The following IQCM variants were observed in gnomAD, a reference collection of about 807,000 sequenced individuals.
The protein encoded by IQCM is IQ domain-containing protein M.
Under a neutral mutation model 57.6 loss-of-function variants are expected in IQCM, and 45 were observed. That is an observed-to-expected ratio of 0.78 (90% CI 0.62 to 1.00). IQCM has a LOEUF of 1.00. Among genes scored for constraint, IQCM ranks in the 50% least tolerant of loss-of-function variants. IQCM has a pLI of 0.00. For synonymous variants in IQCM, 148 were observed against 158.9 expected, an observed-to-expected ratio of 0.93 and a Z score of 0.51; for missense variants, 468 against 511.6, an observed-to-expected ratio of 0.91 and a Z score of 0.82.
chr4:149,464,864 ATAT>A (rs1738680209), intron 12 of IQCM, among the ~76,000 whole-genome samples: 2 of 152,162 alleles, frequency 1.3e-5, no homozygotes, highest in Non-Finnish European at 2.9e-5. Flanking sequence ...GATTAATGGG[ATAT>A]TATTTTGGAT....
intron 13 of IQCM, among the ~76,000 whole-genome samples, chr4:149,381,720 AGTAT>A (rs60955059): frequency 0.25 from 36,975 of 146,410 alleles, 5,070 homozygotes; most frequent in South Asian, 0.43. Flanking sequence ...TTTCCCCCAT[AGTAT>A]GTATGTATGT....
intron 7 of IQCM, among the ~76,000 whole-genome samples, chr4:149,638,166 G>T (rs964126465): frequency 2.6e-5 from 4 of 152,126 alleles, no homozygotes; most frequent in Non-Finnish European, 5.9e-5. Context: ...TAAAAAATAT[G>T]CATGTGAGAA....
At chr4:149,566,173 G>T (rs957912990) in intron 9 of IQCM, among the ~76,000 whole-genome samples, 25 of 152,076 alleles carry the variant, frequency 1.6e-4, no homozygotes, top group Non-Finnish European at 2.9e-4. Flanking sequence ...CAGGTGAAAT[G>T]GTAATGATTA....
intron 2 of IQCM, among the ~76,000 whole-genome samples, chr4:149,768,831 T>G (rs1466428152): frequency 1.3e-5 from 2 of 152,050 alleles, no homozygotes; most frequent in Non-Finnish European, 2.9e-5. Flanking sequence ...CACCAAGAGT[T>G]ATGAACAAAA....
At chr4:149,693,506 C>T (rs930511088) in intron 5 of IQCM, among the ~76,000 whole-genome samples, 17 of 152,280 alleles carry the variant, frequency 1.1e-4, no homozygotes, top group African/African-American at 3.1e-4. Context: ...TCCCTTCCAT[C>T]CTTTCCCACT....
intron 12 of IQCM, among the ~76,000 whole-genome samples, chr4:149,481,695 A>AGTTTT (rs1449555615): frequency 0.017 from 74 of 4,292 alleles, no homozygotes; most frequent in African/African-American, 0.031. Context: ...TGATTCTTCC[A>AGTTTT]GTTTTGTTTT....
chr4:149,608,545 A>T (rs759284555), intron 8 of IQCM, among the ~76,000 whole-genome samples: 2 of 151,978 alleles, frequency 1.3e-5, no homozygotes. Flanking sequence ...ATTTAAAAAC[A>T]TTGAAATCAT....
intron 9 of IQCM, among the ~76,000 whole-genome samples, chr4:149,570,745 C>T (rs891600640): frequency 1.3e-5 from 2 of 152,020 alleles, no homozygotes; most frequent in South Asian, 2.1e-4. Context: ...ATGTTTTAAT[C>T]CATTCCTTAT....
chr4:149,667,640 A>G (rs927182640), intron 7 of IQCM, among the ~76,000 whole-genome samples: 2 of 152,028 alleles, frequency 1.3e-5, no homozygotes, highest in Non-Finnish European at 2.9e-5. Context: ...TTGGAGCTAA[A>G]GGAGCATGTT....
chr4:149,528,101 G>A lies in IQCM; in HGVS notation c.1228+20354C>T, dbSNP rs147465812. Among the ~76,000 whole-genome samples the A allele has an allele frequency of 2.9e-3, 435 of 151,310 alleles. 1 individual carries two copies. Among genetic ancestry groups the A allele is most frequent in the African/African-American group, 9.7e-3 (401 of 41,244 alleles). On this transcript the variant is annotated intron_variant, in intron 12 of 13. Transcript: ENST00000636793. ...CCTGCGTTCAAGTGATTCTCGTGCC[G>A]CAGCCTCCTGAGTAGCTGGGATTAC... is the stretch of plus-strand genomic sequence containing the variant.
At chr4:149,581,674 G>T (rs916783806) in intron 9 of IQCM, among the ~76,000 whole-genome samples, 1 of 151,700 alleles carries the variant, frequency 6.6e-6, no homozygotes, top group Non-Finnish European at 1.5e-5. Flanking sequence ...ACAGGGTCTA[G>T]GGTTGGGTTC....
chr4:149,465,220 A>C (rs1738725015), intron 12 of IQCM, among the ~76,000 whole-genome samples: 1 of 152,180 alleles, frequency 6.6e-6, no homozygotes, highest in Non-Finnish European at 1.5e-5. Context: ...GTAGTAATAC[A>C]TTTTGGTTTT....
At chr4:149,710,388 T>G (rs759771753) in intron 5 of IQCM, among the ~76,000 whole-genome samples, 11 of 152,116 alleles carry the variant, frequency 7.2e-5, no homozygotes, top group Non-Finnish European at 1.5e-4. Flanking sequence ...AACAATTTTA[T>G]CTAAGAAACT....
Position 149,434,140 on chromosome 4 carries a change from C to T in IQCM, c.1229-583G>A, listed in dbSNP as rs547463972. Among the ~76,000 whole-genome samples, 11 of 152,096 alleles carry T rather than the reference C, an allele frequency of 7.2e-5. No homozygotes were observed. In the South Asian group the frequency reaches 2.3e-3, roughly 32 times the overall value. ...TCATAACATACCTGTAAGGTAACTCCTATTATTATTTCCTTTTACATGTAC... is the reference window on the plus strand; with the variant it reads ...TCATAACATACCTGTAAGGTAACTCTTATTATTATTTCCTTTTACATGTAC... On this transcript the variant is annotated intron_variant, in intron 12 of 13. Transcript: ENST00000636793.
At chr4:149,474,575 G>C (rs1250115395) in intron 12 of IQCM, among the ~76,000 whole-genome samples, 2 of 151,362 alleles carry the variant, frequency 1.3e-5, no homozygotes, top group Non-Finnish European at 2.9e-5. Flanking sequence ...AAAAAGGCCA[G>C]GTGTGGTAGC....
intron 7 of IQCM, among the ~76,000 whole-genome samples, chr4:149,679,340 C>A (rs555458741): frequency 6.6e-6 from 1 of 151,388 alleles, no homozygotes; most frequent in South Asian, 2.1e-4. Flanking sequence ...ATCTCAAAGA[C>A]AAAGAGTAGA....
chr4:149,559,094 C>G (rs1304172721), intron 10 of IQCM, among the ~76,000 whole-genome samples: 1 of 152,028 alleles, frequency 6.6e-6, no homozygotes, highest in Non-Finnish European at 1.5e-5. Context: ...CACCCTCCTC[C>G]TTATCTCCAA....
intron 9 of IQCM, among the ~76,000 whole-genome samples, chr4:149,583,121 A>G (rs1752357848): frequency 6.6e-6 from 1 of 151,634 alleles, no homozygotes; most frequent in South Asian, 2.1e-4. Context: ...TATTAGTGTC[A>G]TATCTTATTA....
chr4:149,522,224 G>A (rs1473826147), intron 12 of IQCM, among the ~76,000 whole-genome samples: 2 of 152,148 alleles, frequency 1.3e-5, no homozygotes, highest in Non-Finnish European at 2.9e-5. Flanking sequence ...CCAATTCATA[G>A]GGCAGGACAG....
Sources: gnomAD v4.1 joint callset for allele counts (sites outside exome capture counted in the v4.1 genomes callset) on GRCh38, gnomAD v4.1.1 for gene constraint, MANE v1.5 for transcripts, NCBI Gene and HGNC (gene_info 2026-07-23, HGNC 2026-07-21) for gene names.